The following C9orf50 variants were observed in gnomAD, a reference collection of about 807,000 sequenced individuals.
C9orf50 encodes the protein uncharacterized protein C9orf50.
C9orf50 carries 33 observed loss-of-function variants against 42.5 expected under a neutral mutation model. That is an observed-to-expected ratio of 0.78 (90% confidence interval 0.59 to 1.04). The LOEUF (loss-of-function observed/expected upper bound fraction) is 1.04, where lower values mean the gene tolerates loss of function less well. Ranked by LOEUF, C9orf50 falls within the 50% of genes least tolerant of loss-of-function variation. The pLI is 0.00. For synonymous variants in C9orf50, 257 were observed against 273.4 expected (o/e 0.94, Z 0.59); for missense variants, 547 against 594.3 (o/e 0.92, Z 0.83).
intron 3 of C9orf50, among the ~76,000 whole-genome samples, chr9:129,616,715 G>A (rs991872424): frequency 6.6e-6 from 1 of 152,204 alleles, no homozygotes; most frequent in South Asian, 2.1e-4. Flanking sequence ...CTGGCACAGG[G>A]TTTGGCCTTA....
chr9:129,616,826 C>G (rs1053649592), intron 3 of C9orf50, among the ~76,000 whole-genome samples: 2 of 152,156 alleles, frequency 1.3e-5, no homozygotes, highest in Non-Finnish European at 2.9e-5. Flanking sequence ...CGCCTGTAAT[C>G]CCAGCACTTT....
At position 129,614,764 on chromosome 9, in the gene C9orf50, C is replaced by T. The variant is rs1259687557; in HGVS notation, c.880+720G>A. 3.9e-5 allele frequency among the ~76,000 whole-genome samples: 6 copies of T among 152,018 alleles called. No individual in the cohort carries two copies. The highest frequency in any genetic ancestry group is 1.3e-4 in the Admixed American group (2 of 15,256). On this transcript the variant is annotated intron_variant, in intron 4 of 6. Coordinates refer to ENST00000372478, the Ensembl canonical transcript of C9orf50. This position sits in a 1 kb window ranked among gnomAD's most constrained non-coding sequence, Gnocchi z 4.4. ...CTAAAAATACAAAATTAGCCAGGGGCGGTGGCGCATGCCTGTAATCCCAGG... is the reference window on the plus strand; with the variant it reads ...CTAAAAATACAAAATTAGCCAGGGGTGGTGGCGCATGCCTGTAATCCCAGG...
At chr9:129,619,788 C>T (rs748825749) in exon 2 of C9orf50, 1 of 1,614,108 alleles carries the variant, frequency 6.2e-7, no homozygotes, top group South Asian at 1.1e-5. Context: ...AGACCCTGGG[C>T]AGTGCTCTAA....
In C9orf50 at chr9:129,620,356, G is replaced by A. The variant is rs1323445265; in HGVS notation, c.219C>T (p.Val73=). 8 of 1,228,866 alleles carry A rather than the reference G, an allele frequency of 6.5e-6. No individual in the cohort carries two copies. In the African/African-American group the frequency reaches 1.3e-4, roughly 19 times the overall value. The allele number at this position is 1,228,866 out of a possible 1,614,324, so 76.1% of individuals were successfully genotyped here. A position where few individuals can be genotyped will look rare whatever the true frequency, so the allele number is the denominator to read the frequency against. ...CGGGCAGGCGCGGCGGGAGGCGTCC[G>A]ACGCCCACCCCGGGCTTGGCGTCCC... Residue 73 remains valine (V), a synonymous_variant, in exon 1 of 7, where the codon GTC becomes GTT. Coordinates refer to ENST00000372478, the Ensembl canonical transcript of C9orf50. The surrounding 1 kb of genome is among the most constrained non-coding windows in gnomAD (Gnocchi z 5.8).
Position 129,614,956 on chromosome 9 carries a change from A to G in C9orf50, c.880+528T>C, listed in dbSNP as rs1000889691. Among the ~76,000 whole-genome samples, 2 of 152,100 alleles carry G rather than the reference A, an allele frequency of 1.3e-5. No homozygotes were observed. Among genetic ancestry groups the G allele is most frequent in the African/African-American group, 4.8e-5 (2 of 41,430 alleles). On this transcript the variant is annotated intron_variant, in intron 4 of 6. Coordinates refer to ENST00000372478, the Ensembl canonical transcript of C9orf50. This position sits in a 1 kb window ranked among gnomAD's most constrained non-coding sequence, Gnocchi z 4.4. Reference sequence around the variant, plus strand: ...TGGGAACTGCAAAACAGACACCATTACATCCAGGGTCTGGTGGCTCTTAGC... The same window carrying G: ...TGGGAACTGCAAAACAGACACCATTGCATCCAGGGTCTGGTGGCTCTTAGC...
chr9:129,612,296 GCTC>G (rs1564331134), exon 7 of C9orf50: 3 of 1,476,250 alleles, frequency 2.0e-6, no homozygotes, highest in Admixed American at 1.7e-5. Context: ...AAGGAAGGAC[GCTC>G]CTCATTGCCT....
At chr9:129,612,886 C>T (rs572148556) in intron 6 of C9orf50, among the ~76,000 whole-genome samples, 3 of 152,098 alleles carry the variant, frequency 2.0e-5, no homozygotes, top group Non-Finnish European at 4.4e-5. Flanking sequence ...GAACTGTGAT[C>T]GGAACCCAGG....
At position 129,613,543 on chromosome 9, in the gene C9orf50, C is replaced by T. The variant is rs3213763; in HGVS notation, c.935G>A (p.Arg312Gln). ...CCGTTTTCCGACACTCCCAAACACC[C>T]GCTCGGACGCCACTGGCAGGGCGGC... The change falls in exon 5 of 7, where the codon CGG (arginine) becomes CAG (glutamine). Residue 312 changes from arginine to glutamine, a missense_variant. Arg to Gln is a conservative substitution (Grantham distance 43). Coordinates refer to ENST00000372478, the Ensembl canonical transcript of C9orf50. The surrounding 1 kb of genome is among the most constrained non-coding windows in gnomAD (Gnocchi z 6.2). The T allele has an allele frequency of 4.8e-3, 7,806 of 1,614,178 alleles. 195 individuals carry two copies. The East Asian group carries it at 0.076, about 16-fold the overall frequency.
chr9:129,613,355 G>T lies in C9orf50; in HGVS notation c.1043+80C>A. 1 of 1,577,152 alleles carries T rather than the reference G, an allele frequency of 6.3e-7. No homozygotes were observed. The highest frequency in any genetic ancestry group is 2.3e-5 in the East Asian group (1 of 44,390). On this transcript the variant is annotated intron_variant, in intron 5 of 6. Coordinates refer to ENST00000372478, the Ensembl canonical transcript of C9orf50. The surrounding 1 kb of genome is among the most constrained non-coding windows in gnomAD (Gnocchi z 6.2). ...CCACACTGGCAACCCGCCTGCTGCT[G>T]GGTGGGGAGGTCTGTAGGCAAGGGG... is the stretch of plus-strand genomic sequence containing the variant.
In C9orf50 at chr9:129,620,085, C is replaced by A; in HGVS notation, c.490G>T (p.Glu164Ter). 6.9e-7 allele frequency: 1 copy of A among 1,451,710 alleles called. No homozygotes were observed. Among genetic ancestry groups the A allele is most frequent in the Non-Finnish European group, 9.1e-7 (1 of 1,099,720 alleles). The allele number at this position is 1,451,710 out of a possible 1,614,324, so 89.9% of individuals were successfully genotyped here. A position where few individuals can be genotyped will look rare whatever the true frequency, so the allele number is the denominator to read the frequency against. ...GCCTCACTCAGTGGCTCCGGCTCCTCGGCGCACTTCTCCTGGAGCTGGTGC... is the reference window on the plus strand; with the variant it reads ...GCCTCACTCAGTGGCTCCGGCTCCTAGGCGCACTTCTCCTGGAGCTGGTGC... The change falls in exon 1 of 7, where the codon GAG (glutamate) becomes TAG (stop). Residue 164 changes from glutamate to a stop codon, truncating the protein, a stop_gained. Transcript: ENST00000372478. LOFTEE classifies it high-confidence loss of function. This position sits in a 1 kb window ranked among gnomAD's most constrained non-coding sequence, Gnocchi z 5.8.
chr9:129,612,442 G>T, exon 7 of C9orf50: 2 of 1,613,314 alleles, frequency 1.2e-6, no homozygotes, highest in South Asian at 1.1e-5. Flanking sequence ...ACCCGGTTGG[G>T]CAGGAGGGAC....
Position 129,614,773 on chromosome 9 carries a change from A to G in C9orf50, c.880+711T>C, listed in dbSNP as rs1035222472. On this transcript the variant is annotated intron_variant, in intron 4 of 6. Transcript: ENST00000372478. This position sits in a 1 kb window ranked among gnomAD's most constrained non-coding sequence, Gnocchi z 4.4. Reference sequence around the variant, plus strand: ...CAAAATTAGCCAGGGGCGGTGGCGCATGCCTGTAATCCCAGGTACTCAGGA... The same window carrying G: ...CAAAATTAGCCAGGGGCGGTGGCGCGTGCCTGTAATCCCAGGTACTCAGGA... Among the ~76,000 whole-genome samples the G allele has an allele frequency of 1.2e-4, 19 of 152,116 alleles. No individual in the cohort carries two copies. The highest frequency in any genetic ancestry group is 4.1e-4 in the African/African-American group (17 of 41,406).
At chr9:129,612,265 AT>A (rs1830129978) in exon 7 of C9orf50, 3 of 1,198,594 alleles carry the variant, frequency 2.5e-6, no homozygotes, top group Non-Finnish European at 3.6e-6. Context: ...GCCACCTGGG[AT>A]GTGCCTTTAT....
rs149142867 is a variant in C9orf50, at chr9:129,613,155, C to T, written c.1140G>A (p.Pro380=). Residue 380 remains proline (P), a synonymous_variant, in exon 6 of 7, where the codon CCG becomes CCA. Transcript: ENST00000372478. This position sits in a 1 kb window ranked among gnomAD's most constrained non-coding sequence, Gnocchi z 6.2. ...CCAAGAAGGCTCGGAGGCTGCTTCG[C>T]GGCCTCTGAGCAGCGGCCTTCTTCC... is the stretch of plus-strand genomic sequence containing the variant. 103 of 1,613,696 alleles carry T rather than the reference C, an allele frequency of 6.4e-5. No homozygotes were observed. The highest frequency in any genetic ancestry group is 8.3e-5 in the Non-Finnish European group (98 of 1,180,020).
exon 2 of C9orf50, chr9:129,619,790 G>C: frequency 6.2e-7 from 1 of 1,614,150 alleles, no homozygotes; most frequent in Non-Finnish European, 8.5e-7. Context: ...ACCCTGGGCA[G>C]TGCTCTAATA....
rs760195667 is a variant in C9orf50, at chr9:129,615,659, G to A, written c.717-12C>T. 5.2e-6 allele frequency: 8 copies of A among 1,529,182 alleles called. No individual in the cohort carries two copies. In the Admixed American group the frequency reaches 1.4e-4, roughly 27 times the overall value. 94.7% of individuals were successfully genotyped at this position (1,529,182 alleles called of 1,614,324 possible). A position where few individuals can be genotyped will look rare whatever the true frequency, so the allele number is the denominator to read the frequency against. ...CACCGTGGGGCCTGCTGAGAGAGGGGAGAGGGGCCTGTGCTCGAAGCCCCC... is the reference window on the plus strand; with the variant it reads ...CACCGTGGGGCCTGCTGAGAGAGGGAAGAGGGGCCTGTGCTCGAAGCCCCC... On this transcript the variant is annotated splice_polypyrimidine_tract_variant and intron_variant, in intron 3 of 6. Coordinates refer to ENST00000372478, the Ensembl canonical transcript of C9orf50.
At chr9:129,617,368 G>A (rs989420417) in intron 3 of C9orf50, among the ~76,000 whole-genome samples, 9 of 152,184 alleles carry the variant, frequency 5.9e-5, no homozygotes, top group Non-Finnish European at 4.4e-5. Flanking sequence ...CTGGCTGCTG[G>A]GCCAGGCAAA....
At position 129,615,295 on chromosome 9, in the gene C9orf50, C is replaced by G. The variant is rs370677822; in HGVS notation, c.880+189G>C. On this transcript the variant is annotated intron_variant, in intron 4 of 6. Coordinates refer to ENST00000372478, the Ensembl canonical transcript of C9orf50. ...ACACCTCCACTGGACTCTGGACCCTCTACTTGGTCTTCGAAGGTCAACCTG... is the reference window on the plus strand; with the variant it reads ...ACACCTCCACTGGACTCTGGACCCTGTACTTGGTCTTCGAAGGTCAACCTG... Among the ~76,000 whole-genome samples, 11 of 152,334 alleles carry G rather than the reference C, an allele frequency of 7.2e-5. No individual in the cohort carries two copies. In the East Asian group the frequency reaches 2.1e-3, roughly 29 times the overall value.
chr9:129,612,974 C>CCCACGGTGACTTG (rs1402227796), intron 6 of C9orf50, 133 bp downstream of exon 6: 16 of 1,156,734 alleles, frequency 1.4e-5, no homozygotes, highest in Non-Finnish European at 1.9e-5. Context: ...ACTGCAAGCC[C>CCCACGGTGACTTG]CCACGGTGAC....
Sources: allele counts gnomAD v4.1 joint callset (sites outside exome capture counted in the v4.1 genomes callset), GRCh38; gene constraint gnomAD v4.1.1; non-coding constraint Gnocchi (gnomAD v3.1); transcripts MANE v1.5; gene names NCBI Gene and HGNC (gene_info 2026-07-23, HGNC 2026-07-21).